Variants in HS6ST3 observed in about 807,000 individuals in gnomAD.
HS6ST3 encodes the protein heparan-sulfate 6-O-sulfotransferase 3.
Under a neutral mutation model 36.7 loss-of-function variants are expected in HS6ST3, and 12 were observed. The ratio of observed to expected loss-of-function variants is 0.33; its 90% CI spans 0.21 to 0.53. The LOEUF (loss-of-function observed/expected upper bound fraction) is 0.53. Ranked by LOEUF, HS6ST3 falls within the 20% of genes least tolerant of loss-of-function variation. HS6ST3 has a pLI of 0.95. For synonymous variants in HS6ST3, 240 were observed against 257.5 expected (o/e 0.93, Z 0.65); for missense variants, 584 against 640.9 (o/e 0.91, Z 0.96).
At chr13:96,176,776 C>G (rs944143908) in intron 1 of HS6ST3, among the ~76,000 whole-genome samples, 2 of 152,248 alleles carry the variant, frequency 1.3e-5, no homozygotes, top group East Asian at 3.9e-4. Context: ...CAAGTGGGAT[C>G]TAATTACACT....
At chr13:96,293,587 G>A (rs1330719318) in intron 1 of HS6ST3, among the ~76,000 whole-genome samples, 1 of 152,092 alleles carries the variant, frequency 6.6e-6, no homozygotes, top group Non-Finnish European at 1.5e-5. Context: ...CAAGATGGAA[G>A]TGTTATTCAG....
rs114584275 is a variant in HS6ST3 at position 96,755,144 on chromosome 13, T to G, written c.708-77346T>G. 5.1e-3 allele frequency among the ~76,000 whole-genome samples: 776 copies of G among 152,272 alleles called. 4 individuals are homozygous for G. Among genetic ancestry groups the G allele is most frequent in the African/African-American group, 0.018 (731 of 41,568 alleles). ...TTCTTCACCCCAGAAAGTTTTTTTTTGTACTCATTTCTGGTCAATTTCCCC... is the reference window on the plus strand; with the variant it reads ...TTCTTCACCCCAGAAAGTTTTTTTTGGTACTCATTTCTGGTCAATTTCCCC... On this transcript the variant is annotated intron_variant, in intron 1 of 1. Coordinates refer to ENST00000376705, the MANE Select transcript of HS6ST3 (RefSeq NM_153456.4).
At chr13:96,176,008 T>A (rs998804258) in intron 1 of HS6ST3, among the ~76,000 whole-genome samples, 7 of 152,100 alleles carry the variant, frequency 4.6e-5, no homozygotes, top group African/African-American at 1.7e-4. Flanking sequence ...TTTGTATTTT[T>A]AGTAGAGACG....
intron 1 of HS6ST3, among the ~76,000 whole-genome samples, chr13:96,218,512 G>A (rs2054438599): frequency 6.6e-6 from 1 of 152,142 alleles, no homozygotes; most frequent in South Asian, 2.1e-4. Flanking sequence ...CAGTTCCTCC[G>A]GGAACATGCC....
At chr13:96,232,998 T>G (rs1050865331) in intron 1 of HS6ST3, among the ~76,000 whole-genome samples, 5 of 152,216 alleles carry the variant, frequency 3.3e-5, no homozygotes, top group African/African-American at 1.2e-4. Context: ...TCTACAGGTT[T>G]AATTTCATAC....
At chr13:96,652,399 C>T (rs1230608725) in intron 1 of HS6ST3, among the ~76,000 whole-genome samples, 1 of 151,814 alleles carries the variant, frequency 6.6e-6, no homozygotes, top group Non-Finnish European at 1.5e-5. Context: ...CTTCCTTCCT[C>T]ACTACTTCTG....
At chr13:96,643,564 G>A (rs1328922247) in intron 1 of HS6ST3, among the ~76,000 whole-genome samples, 3 of 151,870 alleles carry the variant, frequency 2.0e-5, no homozygotes, top group Admixed American at 2.0e-4. Context: ...TCTGATTTGT[G>A]TGTGTGTGTG....
intron 1 of HS6ST3, among the ~76,000 whole-genome samples, chr13:96,591,909 G>GA (rs1359959339): frequency 1.3e-5 from 2 of 151,952 alleles, no homozygotes; most frequent in Non-Finnish European, 2.9e-5. Flanking sequence ...TTATTTGAAG[G>GA]AATATTGAAA....
chr13:96,825,333 G>C (rs971946263), intron 1 of HS6ST3, among the ~76,000 whole-genome samples: 13 of 152,068 alleles, frequency 8.5e-5, no homozygotes, highest in African/African-American at 3.1e-4. Flanking sequence ...TCTACCATTT[G>C]GATGAAGATA....
At chr13:96,775,332 A>T (rs553835629) in intron 1 of HS6ST3, among the ~76,000 whole-genome samples, 88 of 152,248 alleles carry the variant, frequency 5.8e-4, no homozygotes, top group Non-Finnish European at 1.1e-3. Flanking sequence ...CCACATAACA[A>T]TATTGACCTT....
intron 1 of HS6ST3, among the ~76,000 whole-genome samples, chr13:96,116,241 G>A (rs1047493739): frequency 6.6e-6 from 1 of 152,092 alleles, no homozygotes; most frequent in African/African-American, 2.4e-5. Flanking sequence ...CTTTTACACT[G>A]CTACTACCTG....
intron 1 of HS6ST3, among the ~76,000 whole-genome samples, chr13:96,221,407 G>A (rs1346466003): frequency 6.6e-6 from 1 of 152,124 alleles, no homozygotes; most frequent in Admixed American, 6.5e-5. Context: ...TTCAAGCTAG[G>A]GATTCTGATT....
rs79074824 is a variant in HS6ST3, at chr13:96,222,541, T to C, written c.707+130972T>C. ...AGCTTCTAACTTTCTTTAATGAAAA[T>C]TGCCCACTGAAATAACACCAGGTAA... is the stretch of plus-strand genomic sequence containing the variant. On this transcript the variant is annotated intron_variant, in intron 1 of 1. Coordinates refer to ENST00000376705, the MANE Select transcript of HS6ST3 (RefSeq NM_153456.4). Among the ~76,000 whole-genome samples the C allele has an allele frequency of 1.9e-4, 29 of 152,336 alleles. No homozygotes were observed. The East Asian group carries it at 5.6e-3, about 29-fold the overall frequency.
chr13:96,327,292 G>C (rs201719359), intron 1 of HS6ST3, among the ~76,000 whole-genome samples: 52,552 of 149,604 alleles, frequency 0.35, 9,531 homozygotes, highest in African/African-American at 0.4. Context: ...AGGTTTTCTT[G>C]TAGGGTTTTT....
At chr13:96,216,141 G>A (rs1301880493) in intron 1 of HS6ST3, among the ~76,000 whole-genome samples, 1 of 152,072 alleles carries the variant, frequency 6.6e-6, no homozygotes. Context: ...ACATGTTTAT[G>A]TTCATGAACA....
chr13:96,580,788 A>G (rs1249209358), intron 1 of HS6ST3, among the ~76,000 whole-genome samples: 1 of 152,154 alleles, frequency 6.6e-6, no homozygotes, highest in Non-Finnish European at 1.5e-5. Context: ...CTTCTCATCT[A>G]TTCCCTTATG....
chr13:96,828,224 A>G (rs1347106080), intron 1 of HS6ST3, among the ~76,000 whole-genome samples: 1 of 152,236 alleles, frequency 6.6e-6, no homozygotes, highest in Non-Finnish European at 1.5e-5. Context: ...TGTTACTTAA[A>G]GATTTTGAAG....
chr13:96,818,067 T>G (rs1878459427), intron 1 of HS6ST3, among the ~76,000 whole-genome samples: 1 of 152,168 alleles, frequency 6.6e-6, no homozygotes, highest in Non-Finnish European at 1.5e-5. Flanking sequence ...GAAATGAATG[T>G]TGAAAGCTAT....
At chr13:96,470,314 A>G (rs1478051993) in intron 1 of HS6ST3, among the ~76,000 whole-genome samples, 1 of 152,100 alleles carries the variant, frequency 6.6e-6, no homozygotes, top group Non-Finnish European at 1.5e-5. Flanking sequence ...ATGGCAAAGC[A>G]TTTCCCCCTC....
Sources: gnomAD v4.1 joint callset for allele counts (sites outside exome capture counted in the v4.1 genomes callset) on GRCh38, gnomAD v4.1.1 for gene constraint, MANE v1.5 for transcripts, NCBI Gene and HGNC (gene_info 2026-07-23, HGNC 2026-07-21) for gene names.